The following ATP10A variants were observed in gnomAD, a reference collection of about 807,000 sequenced individuals.
ATP10A encodes ATPase phospholipid transporting 10A (putative).
In ATP10A, 111 loss-of-function variants were observed where a neutral mutation model predicts 147.8. The observed-to-expected ratio is 0.75, with a 90% CI of 0.64 to 0.88. The LOEUF (loss-of-function observed/expected upper bound fraction) is 0.88. ATP10A is among the 40% of genes least tolerant of loss of function. ATP10A has a pLI of 0.00. For missense variants in ATP10A, 1,927 were observed against 1,959.0 expected (o/e 0.98, Z 0.31); for synonymous variants, 875 against 841.6 (o/e 1.04, Z -0.69).
intron 1 of ATP10A, among the ~76,000 whole-genome samples, chr15:25,832,487 C>T (rs1176981544): frequency 2.0e-5 from 3 of 152,032 alleles, no homozygotes; most frequent in Admixed American, 6.6e-5. Context: ...CTAAAATTGG[C>T]ATCTTTATAT....
intron 2 of ATP10A, among the ~76,000 whole-genome samples, chr15:25,748,308 C>T (rs953961476): frequency 6.6e-6 from 1 of 152,072 alleles, no homozygotes; most frequent in Non-Finnish European, 1.5e-5. Context: ...AAAGATAATA[C>T]ATTAGGAAGA....
chr15:25,741,748 G>C (rs909646442), intron 2 of ATP10A, among the ~76,000 whole-genome samples: 4 of 152,160 alleles, frequency 2.6e-5, no homozygotes, highest in African/African-American at 9.7e-5. Flanking sequence ...GTATTGTCAG[G>C]TGAACATTTT....
chr15:25,784,243 G>C (rs535655683), intron 1 of ATP10A, among the ~76,000 whole-genome samples: 1 of 152,198 alleles, frequency 6.6e-6, no homozygotes, highest in Non-Finnish European at 1.5e-5. Flanking sequence ...CTATGCCCAA[G>C]CATCGGCGGG....
At chr15:25,699,313 T>C (rs1221024462) in intron 13 of ATP10A, among the ~76,000 whole-genome samples, 1 of 152,014 alleles carries the variant, frequency 6.6e-6, no homozygotes, top group Non-Finnish European at 1.5e-5. Context: ...CAAATGTAAC[T>C]AACTGATTTT....
intron 1 of ATP10A, among the ~76,000 whole-genome samples, chr15:25,821,312 C>T (rs1891870521): frequency 6.6e-6 from 1 of 151,924 alleles, no homozygotes; most frequent in Non-Finnish European, 1.5e-5. Flanking sequence ...TCACTGCAGC[C>T]CGGGAGATCG....
At chr15:25,704,537 C>T (rs781176298) in intron 12 of ATP10A, among the ~76,000 whole-genome samples, 1 of 152,202 alleles carries the variant, frequency 6.6e-6, no homozygotes, top group Non-Finnish European at 1.5e-5. Context: ...AAAGTTAACA[C>T]CTTGAAAACA....
chr15:25,752,563 T>C (rs921681716), intron 2 of ATP10A, among the ~76,000 whole-genome samples: 1 of 152,222 alleles, frequency 6.6e-6, no homozygotes, highest in Non-Finnish European at 1.5e-5. Flanking sequence ...TTGATTCCTG[T>C]AGTCTTGTAG....
In ATP10A at chr15:25,733,116, G is replaced by A. The variant is rs140252841; in HGVS notation, c.740+2940C>T. Reference sequence around the variant, plus strand: ...TTAATGTTTCAAGTTTGGAATGGCAGGTCCTAAAAGAAGCAAATCTGCCGG... The same window carrying A: ...TTAATGTTTCAAGTTTGGAATGGCAAGTCCTAAAAGAAGCAAATCTGCCGG... On this transcript the variant is annotated intron_variant, in intron 3 of 20. Coordinates refer to ENST00000555815, the MANE Select transcript of ATP10A (RefSeq NM_024490.4). 5.7e-4 allele frequency among the ~76,000 whole-genome samples: 87 copies of A among 152,298 alleles called. No individual in the cohort carries two copies. In the East Asian group the frequency reaches 0.015, roughly 26 times the overall value.
chr15:25,830,259 A>G (rs1699306692), intron 1 of ATP10A, among the ~76,000 whole-genome samples: 1 of 152,090 alleles, frequency 6.6e-6, no homozygotes, highest in African/African-American at 2.4e-5. Context: ...CTCATTCAGA[A>G]TGGCCTCAGA....
intron 2 of ATP10A, 35 bp from the exon 3 acceptor site, chr15:25,736,176 G>C: frequency 6.3e-7 from 1 of 1,582,278 alleles, no homozygotes; most frequent in Non-Finnish European, 8.7e-7. Context: ...AGAGAAATCC[G>C]GGCTCAGGCT....
chr15:25,744,546 C>G (rs1360016698), intron 2 of ATP10A, among the ~76,000 whole-genome samples: 1 of 152,136 alleles, frequency 6.6e-6, no homozygotes, highest in Non-Finnish European at 1.5e-5. Context: ...AGTTTAAAAT[C>G]ATGCTTGCTG....
At chr15:25,767,034 G>A (rs1889063259) in intron 2 of ATP10A, among the ~76,000 whole-genome samples, 1 of 152,142 alleles carries the variant, frequency 6.6e-6, no homozygotes, top group Admixed American at 6.5e-5. Context: ...TTTGAAGAGG[G>A]CTGCTCCGCT....
chr15:25,719,908 G>T (rs937661825), intron 7 of ATP10A, among the ~76,000 whole-genome samples: 3 of 152,170 alleles, frequency 2.0e-5, no homozygotes, highest in Non-Finnish European at 4.4e-5. Context: ...ATCTGGAGAG[G>T]TCAGATCATA....
At chr15:25,817,238 A>G (rs970314069) in intron 1 of ATP10A, among the ~76,000 whole-genome samples, 14 of 151,982 alleles carry the variant, frequency 9.2e-5, no homozygotes, top group African/African-American at 3.4e-4. Context: ...GCCCGCCACC[A>G]TGCCTGGCTA....
chr15:25,721,936 A>G (rs1399036583), intron 6 of ATP10A, 27 bp from the exon 7 acceptor site: 1 of 1,603,360 alleles, frequency 6.2e-7, no homozygotes. Flanking sequence ...ACACAGGATG[A>G]ATGACCGTGA....
rs1891075971 is a variant in ATP10A, at chr15:25,804,280, G to T, written c.450-23057C>A. 1.3e-5 allele frequency among the ~76,000 whole-genome samples: 2 copies of T among 150,390 alleles called. 1 individual carries two copies. Among genetic ancestry groups the T allele is most frequent in the South Asian group, 4.2e-4 (2 of 4,722 alleles). On this transcript the variant is annotated intron_variant, in intron 1 of 20. Coordinates refer to ENST00000555815, the MANE Select transcript of ATP10A (RefSeq NM_024490.4). ...ATGGTGTGTGTGTGGTTATGGATGT[G>T]AGTGTGTGGTGTGTGAGTGTTCGTG...
chr15:25,845,218 G>A (rs1024975356), intron 1 of ATP10A, among the ~76,000 whole-genome samples: 4 of 152,202 alleles, frequency 2.6e-5, no homozygotes, highest in Admixed American at 2.0e-4. Context: ...AAGGGACACA[G>A]ACTGAATGTA....
intron 10 of ATP10A, 37 bp from the exon 11 acceptor site, chr15:25,708,337 T>A: frequency 2.5e-6 from 4 of 1,573,150 alleles, no homozygotes; most frequent in Non-Finnish European, 3.5e-6. Context: ...GGGTAAGAAC[T>A]GGCGCCTGTG....
intron 13 of ATP10A, among the ~76,000 whole-genome samples, chr15:25,699,883 A>G (rs1000248503): frequency 1.3e-5 from 2 of 152,164 alleles, no homozygotes; most frequent in African/African-American, 4.8e-5. Flanking sequence ...AGATAAAATA[A>G]TAAAATAAAA....
Sources: allele counts gnomAD v4.1 joint callset (sites outside exome capture counted in the v4.1 genomes callset), GRCh38; gene constraint gnomAD v4.1.1; transcripts MANE v1.5; gene names NCBI Gene and HGNC (gene_info 2026-07-23, HGNC 2026-07-21).